SUPT3H: variants seen among roughly 807,000 people sequenced by gnomAD.
The protein encoded by SUPT3H is SPT3 homolog, SAGA and STAGA complex component, also known as transcription initiation protein SPT3 homolog.
Under a neutral mutation model 44.3 loss-of-function variants are expected in SUPT3H, and 44 were observed. The observed-to-expected ratio is 0.99, with a 90% confidence interval of 0.78 to 1.28. The LOEUF (loss-of-function observed/expected upper bound fraction) is 1.28. Among genes scored for constraint, SUPT3H ranks in the 50% most tolerant of loss-of-function variants. SUPT3H has a pLI of 0.00. For missense variants in SUPT3H, 380 were observed against 387.1 expected, an observed-to-expected ratio of 0.98 and a Z score of 0.15; for synonymous variants, 124 against 125.6, an observed-to-expected ratio of 0.99 and a Z score of 0.09.
At chr6:45,167,373 T>TA (rs1810060739) in intron 2 of SUPT3H, among the ~76,000 whole-genome samples, 1 of 152,216 alleles carries the variant, frequency 6.6e-6, no homozygotes, top group South Asian at 2.1e-4. Context: ...ATGGGCTTAC[T>TA]AAATGATAAC....
intron 3 of SUPT3H, among the ~76,000 whole-genome samples, chr6:45,055,336 G>C (rs1713974406): frequency 6.6e-6 from 1 of 151,998 alleles, no homozygotes; most frequent in Non-Finnish European, 1.5e-5. Flanking sequence ...ATTTCATATG[G>C]AACCAAAAAG....
At position 44,849,223 on chromosome 6, in the gene SUPT3H, T is replaced by A. The variant is rs6907463; in HGVS notation, c.913-19366A>T. Among the ~76,000 whole-genome samples, 87 of 59,212 alleles carry A rather than the reference T, an allele frequency of 1.5e-3. 1 individual carries two copies. Among genetic ancestry groups the A allele is most frequent in the South Asian group, 3.5e-3 (4 of 1,158 alleles). 38.8% of individuals were successfully genotyped at this position (59,212 alleles called of 152,430 possible). A position where few individuals can be genotyped will look rare whatever the true frequency, so the allele number is the denominator to read the frequency against. On this transcript the variant is annotated intron_variant, in intron 10 of 10. Coordinates refer to ENST00000371459, the MANE Select transcript of SUPT3H (RefSeq NM_003599.4). ...ATATAAGCACTACAAATGAATACTT[T>A]TTTTTTTTTTTTTTTTTTTTTGAGA...
chr6:44,845,954 C>G (rs1049865557), intron 10 of SUPT3H, among the ~76,000 whole-genome samples: 5 of 152,300 alleles, frequency 3.3e-5, no homozygotes, highest in African/African-American at 9.6e-5. Flanking sequence ...ATTGAGCTGA[C>G]TAACACAAGC....
intron 2 of SUPT3H, among the ~76,000 whole-genome samples, chr6:45,265,699 T>C (rs890553577): frequency 2.0e-5 from 3 of 152,064 alleles, no homozygotes; most frequent in Non-Finnish European, 4.4e-5. Flanking sequence ...CTAACAGTAT[T>C]ACATGGCCAA....
chr6:45,364,568 A>G (rs6932926), intron 2 of SUPT3H, among the ~76,000 whole-genome samples: 19,800 of 152,212 alleles, frequency 0.13, 1,534 homozygotes, highest in East Asian at 0.26. Context: ...GACATTTCTA[A>G]TAAATATGCT....
chr6:45,154,148 A>T (rs1276521398), intron 2 of SUPT3H, among the ~76,000 whole-genome samples: 1 of 151,100 alleles, frequency 6.6e-6, no homozygotes, highest in Non-Finnish European at 1.5e-5. Context: ...AAGGTCAATC[A>T]ATACTTTTGG....
intron 2 of SUPT3H, among the ~76,000 whole-genome samples, chr6:45,279,215 C>T (rs565170857): frequency 5.5e-4 from 84 of 152,004 alleles, no homozygotes; most frequent in Middle Eastern, 6.8e-3. Flanking sequence ...ATGACATCTG[C>T]AAAATAAAAT....
chr6:45,025,334 G>A (rs1785802121), intron 3 of SUPT3H, among the ~76,000 whole-genome samples: 1 of 152,148 alleles, frequency 6.6e-6, no homozygotes, highest in African/African-American at 2.4e-5. Flanking sequence ...TTGTTATCAA[G>A]TTTTGTAACA....
intron 2 of SUPT3H, among the ~76,000 whole-genome samples, chr6:45,184,775 GAAAAA>G (rs55652227): frequency 7.8e-6 from 1 of 128,580 alleles, no homozygotes; most frequent in African/African-American, 3.0e-5. Context: ...ACAGGCAGAG[GAAAAA>G]AAAAAAAAAA....
At chr6:45,350,528 A>G (rs1322914975) in intron 2 of SUPT3H, among the ~76,000 whole-genome samples, 1 of 152,234 alleles carries the variant, frequency 6.6e-6, no homozygotes, top group Non-Finnish European at 1.5e-5. Flanking sequence ...CAGAAGACCA[A>G]TAATAGTCAC....
chr6:44,991,668 G>A (rs1344662394), intron 6 of SUPT3H, among the ~76,000 whole-genome samples: 1 of 151,838 alleles, frequency 6.6e-6, no homozygotes, highest in Non-Finnish European at 1.5e-5. Context: ...CAATGATATA[G>A]AAAAAAATCG....
At chr6:45,281,137 C>A (rs143939740) in intron 2 of SUPT3H, among the ~76,000 whole-genome samples, 2,659 of 152,202 alleles carry the variant, frequency 0.017, 50 homozygotes, top group South Asian at 0.085. Context: ...CGAATAGGAA[C>A]AGCTCCAGTC....
intron 6 of SUPT3H, among the ~76,000 whole-genome samples, chr6:44,996,358 C>T (rs1271201698): frequency 1.3e-5 from 2 of 151,576 alleles, no homozygotes; most frequent in Non-Finnish European, 1.5e-5. Context: ...AATGTTCTTA[C>T]TGATTTTAAA....
chr6:45,092,854 C>T (rs1366200281), intron 3 of SUPT3H, among the ~76,000 whole-genome samples: 2 of 151,390 alleles, frequency 1.3e-5, no homozygotes, highest in African/African-American at 4.9e-5. Flanking sequence ...TTCATAACAA[C>T]TTACTAGAGA....
intron 6 of SUPT3H, among the ~76,000 whole-genome samples, chr6:44,974,417 A>C (rs762581774): frequency 1.3e-5 from 2 of 152,106 alleles, no homozygotes; most frequent in African/African-American, 2.4e-5. Context: ...TGAGGGAAGA[A>C]GACTCACAGT....
At chr6:45,157,888 T>C (rs1355108087) in intron 2 of SUPT3H, among the ~76,000 whole-genome samples, 2 of 151,442 alleles carry the variant, frequency 1.3e-5, no homozygotes, top group Non-Finnish European at 2.9e-5. Flanking sequence ...TTTTAATGTG[T>C]AGCCAAGGAT....
chr6:45,020,532 TTA>T lies in SUPT3H; in HGVS notation c.273+12_273+13del. On this transcript the variant is annotated intron_variant, in intron 4 of 10. Coordinates refer to ENST00000371459, the MANE Select transcript of SUPT3H (RefSeq NM_003599.4). ...AAACGTGGATTTTAATACAATAAAA[TTA>T]TGTTATATTACCTTATCTTTGCGCA... 3 of 1,594,934 alleles carry T rather than the reference TTA, an allele frequency of 1.9e-6. No homozygotes were observed.
intron 2 of SUPT3H, among the ~76,000 whole-genome samples, chr6:45,207,914 T>C (rs1763444944): frequency 6.6e-6 from 1 of 152,146 alleles, no homozygotes; most frequent in African/African-American, 2.4e-5. Context: ...CTCTAACTGT[T>C]CCAGTGAAAG....
chr6:44,943,263 T>G (rs1224316844), intron 9 of SUPT3H, among the ~76,000 whole-genome samples: 2 of 152,082 alleles, frequency 1.3e-5, no homozygotes, highest in Non-Finnish European at 2.9e-5. Flanking sequence ...GGTGTCACAA[T>G]AGATTGGAGT....
Sources: allele counts gnomAD v4.1 joint callset (sites outside exome capture counted in the v4.1 genomes callset), GRCh38; gene constraint gnomAD v4.1.1; transcripts MANE v1.5; gene names NCBI Gene and HGNC (gene_info 2026-07-23, HGNC 2026-07-21).